Variants in KLHL8 observed in about 807,000 individuals in gnomAD.
KLHL8 encodes kelch-like protein 8.
KLHL8 carries 38 observed loss-of-function variants against 63.5 expected under a neutral mutation model. That is an observed-to-expected ratio of 0.60 (90% confidence interval 0.46 to 0.78). The LOEUF (loss-of-function observed/expected upper bound fraction) is 0.78, where lower values mean the gene tolerates loss of function less well. Among genes scored for constraint, KLHL8 ranks in the 30% least tolerant of loss-of-function variants. The pLI, the probability that KLHL8 is intolerant of heterozygous loss-of-function variation, is 0.00. For synonymous variants in KLHL8, 224 were observed against 254.3 expected (o/e 0.88, Z 1.13); for missense variants, 566 against 752.4 (o/e 0.75, Z 2.90).
intron 1 of KLHL8, among the ~76,000 whole-genome samples, chr4:87,213,223 A>C (rs1244517110): frequency 6.6e-6 from 1 of 152,200 alleles, no homozygotes; most frequent in Non-Finnish European, 1.5e-5. Flanking sequence ...AAAGATCTTG[A>C]ATTTTACCTA....
In KLHL8 at chr4:87,170,124, C is replaced by T; in HGVS notation, c.1492G>A (p.Ala498Thr). The T allele has an allele frequency of 6.2e-7, 1 of 1,614,152 alleles. No individual in the cohort carries two copies. Among genetic ancestry groups the T allele is most frequent in the Non-Finnish European group, 8.5e-7 (1 of 1,179,990 alleles). ...TGAAGCTTGCTAACTCCATTGCCTGCTCTTCGCTGACCCATTTCTTTAACT... is the reference window on the plus strand; with the variant it reads ...TGAAGCTTGCTAACTCCATTGCCTGTTCTTCGCTGACCCATTTCTTTAACT... ...IEVKEMGQRRAGNGVSKLHGC... is the reference protein window; with the variant it reads ...IEVKEMGQRRTGNGVSKLHGC... The change falls in exon 8 of 10, where the codon GCA (alanine) becomes ACA (threonine). Residue 498 changes from alanine (A) to threonine (T), a missense_variant. Ala to Thr is a moderately conservative substitution (Grantham distance 58, BLOSUM62 0). Transcript: ENST00000273963.
chr4:87,186,422 GAATT>G (rs1277712841), intron 2 of KLHL8, among the ~76,000 whole-genome samples: 2 of 150,522 alleles, frequency 1.3e-5, no homozygotes, highest in African/African-American at 2.4e-5. Flanking sequence ...GACATTTTGT[GAATT>G]AATACCAGCA....
intron 1 of KLHL8, among the ~76,000 whole-genome samples, chr4:87,203,270 G>GCTC (rs79267133): frequency 0.15 from 22,369 of 152,074 alleles, 2,044 homozygotes; most frequent in South Asian, 0.24. Flanking sequence ...GAGCACAGTG[G>GCTC]CTCACACCTG....
intron 1 of KLHL8, among the ~76,000 whole-genome samples, chr4:87,229,694 AG>A (rs903992408): frequency 4.6e-5 from 7 of 150,940 alleles, no homozygotes; most frequent in African/African-American, 1.7e-4. Flanking sequence ...AGCCTCCAAA[AG>A]TGTTGGAATT....
chr4:87,218,477 A>G (rs1203403407), intron 1 of KLHL8, among the ~76,000 whole-genome samples: 3 of 152,150 alleles, frequency 2.0e-5, no homozygotes, highest in African/African-American at 7.2e-5. Context: ...TCGGCCTCCC[A>G]AAGTGTTGGG....
chr4:87,183,472 G>C, intron 3 of KLHL8, 83 bp from the exon 4 acceptor site: 1 of 1,088,846 alleles, frequency 9.2e-7, no homozygotes, highest in East Asian at 2.6e-5. Flanking sequence ...TCAAATAAAG[G>C]TGAAAACAAG....
chr4:87,187,115 T>C (rs1731291617), intron 2 of KLHL8, among the ~76,000 whole-genome samples: 1 of 152,230 alleles, frequency 6.6e-6, no homozygotes, highest in Non-Finnish European at 1.5e-5. Context: ...TTCCAACAGA[T>C]AAATTATTGT....
intron 4 of KLHL8, among the ~76,000 whole-genome samples, chr4:87,180,750 G>C (rs1055537536): frequency 6.6e-5 from 10 of 152,206 alleles, no homozygotes; most frequent in African/African-American, 2.4e-4. Context: ...TAAATTTAAA[G>C]TCGGAAGAGC....
intron 1 of KLHL8, among the ~76,000 whole-genome samples, chr4:87,230,462 T>G (rs1733116352): frequency 6.6e-6 from 1 of 152,158 alleles, no homozygotes; most frequent in Non-Finnish European, 1.5e-5. Context: ...ACGTTTTTGT[T>G]CAGGCTGGGA....
At chr4:87,191,970 CCA>C (rs764566401) in intron 2 of KLHL8, among the ~76,000 whole-genome samples, 52 of 152,096 alleles carry the variant, frequency 3.4e-4, no homozygotes, top group Non-Finnish European at 8.8e-5. Context: ...GTGTAGTATT[CCA>C]CAGTGTATAT....
chr4:87,170,367 G>T, intron 7 of KLHL8, 80 bp downstream of exon 7: 1 of 1,447,952 alleles, frequency 6.9e-7, no homozygotes, highest in Non-Finnish European at 9.4e-7. Flanking sequence ...TCATACTGGT[G>T]ATGATATATT....
intron 2 of KLHL8, among the ~76,000 whole-genome samples, chr4:87,192,057 A>G (rs1161203132): frequency 6.6e-6 from 1 of 152,228 alleles, no homozygotes; most frequent in Non-Finnish European, 1.5e-5. Flanking sequence ...ATTTGTGAAT[A>G]GCACTGCAAT....
At chr4:87,207,864 G>T in intron 1 of KLHL8, 1 of 1,528,808 alleles carries the variant, frequency 6.5e-7, no homozygotes. Context: ...ACATCAAGAA[G>T]GTGGTGAAGC....
At chr4:87,232,950 A>AT (rs1326192855) in intron 1 of KLHL8, among the ~76,000 whole-genome samples, 1 of 151,678 alleles carries the variant, frequency 6.6e-6, no homozygotes, top group Non-Finnish European at 1.5e-5. Flanking sequence ...TCTTCTGTAC[A>AT]TTATGTGAGT....
intron 1 of KLHL8, chr4:87,207,179 G>C: frequency 3.5e-6 from 2 of 569,288 alleles, no homozygotes; most frequent in African/African-American, 1.9e-5. Context: ...GGATATTGTC[G>C]CCATCAATGA....
Position 87,232,845 on chromosome 4 carries a change from A to G in KLHL8, n.57+7413T>C, listed in dbSNP as rs541682746. ...TACCAATTCAGATCTCCTTTTTGTA[A>G]AATCCATGTTCAATTTGTTGGTCCA... On this transcript the variant is annotated intron_variant and non_coding_transcript_variant, in intron 1 of 1. Coordinates refer to the KLHL8 transcript ENST00000506274. Among the ~76,000 whole-genome samples the G allele has an allele frequency of 6.3e-4, 96 of 152,100 alleles. 1 individual carries two copies. Among genetic ancestry groups the G allele is most frequent in the African/African-American group, 2.0e-3 (82 of 41,496 alleles).
At chr4:87,164,955 T>G (rs956497171) in intron 8 of KLHL8, among the ~76,000 whole-genome samples, 1 of 151,924 alleles carries the variant, frequency 6.6e-6, no homozygotes, top group Non-Finnish European at 1.5e-5. Context: ...GAGACCATCC[T>G]GGCTAACACG....
intron 1 of KLHL8, among the ~76,000 whole-genome samples, chr4:87,217,974 T>C (rs917104881): frequency 6.6e-6 from 1 of 152,218 alleles, no homozygotes; most frequent in African/African-American, 2.4e-5. Context: ...TCTCAAAAGT[T>C]CTTGATAAAA....
chr4:87,185,865 A>C, intron 2 of KLHL8, 66 bp from the exon 3 acceptor site: 1 of 1,355,810 alleles, frequency 7.4e-7, no homozygotes, highest in Non-Finnish European at 9.8e-7. Context: ...AGCATTTAAC[A>C]TGTGTTTGTA....
Sources: gnomAD v4.1 joint callset for allele counts (sites outside exome capture counted in the v4.1 genomes callset) on GRCh38, gnomAD v4.1.1 for gene constraint, MANE v1.5 for transcripts, NCBI Gene and HGNC (gene_info 2026-07-23, HGNC 2026-07-21) for gene names.